The following RARB variants were observed in gnomAD, a reference collection of about 807,000 sequenced individuals.
The protein encoded by RARB is HBV-activated protein.
Under a neutral mutation model 51.9 loss-of-function variants are expected in RARB, and 17 were observed. That is an observed-to-expected ratio of 0.33 (90% confidence interval 0.22 to 0.49). The LOEUF is 0.49. Among genes scored for constraint, RARB ranks in the 20% least tolerant of loss-of-function variants. RARB has a pLI of 0.99. For missense variants in RARB, 369 were observed against 550.8 expected (o/e 0.67, Z 3.30); for synonymous variants, 215 against 195.4 (o/e 1.10, Z -0.84).
At chr3:25,465,118 C>T (rs1329483464) in intron 2 of RARB, among the ~76,000 whole-genome samples, 1 of 152,076 alleles carries the variant, frequency 6.6e-6, no homozygotes, top group Non-Finnish European at 1.5e-5. Context: ...ATTTTTAAGG[C>T]TTTCGAATCA....
intron 3 of RARB, among the ~76,000 whole-genome samples, chr3:25,546,633 AAAAG>A (rs558212532): frequency 1.3e-5 from 2 of 152,298 alleles, no homozygotes; most frequent in East Asian, 1.9e-4. Context: ...AATGGAAAAA[AAAAG>A]AGTACCCTTT....
Position 25,079,113 on chromosome 3 carries a change from T to C in RARB, c.-328+18937T>C, listed in dbSNP as rs567954345. Among the ~76,000 whole-genome samples, 36 of 152,260 alleles carry C rather than the reference T, an allele frequency of 2.4e-4. No homozygotes were observed. In the South Asian group the frequency reaches 7.2e-3, roughly 31 times the overall value. Reference sequence around the variant, plus strand: ...AGTGTTGACGCTTACACATATTCTATTAAGTTTATCTCTAAATGTTTCATT... The same window carrying C: ...AGTGTTGACGCTTACACATATTCTACTAAGTTTATCTCTAAATGTTTCATT... On this transcript the variant is annotated intron_variant, in intron 3 of 11. Transcript: ENST00000383772.
intron 3 of RARB, among the ~76,000 whole-genome samples, chr3:25,568,352 C>T (rs536177811): frequency 6.6e-6 from 1 of 152,134 alleles, no homozygotes; most frequent in African/African-American, 2.4e-5. Flanking sequence ...TTTAAACTTG[C>T]CTACCTGATA....
At chr3:25,115,618 C>T (rs1157833949) in intron 3 of RARB, among the ~76,000 whole-genome samples, 1 of 149,344 alleles carries the variant, frequency 6.7e-6, no homozygotes, top group African/African-American at 2.5e-5. Context: ...CTTTCTCTTC[C>T]TTTTTCTTTT....
chr3:25,556,535 A>G (rs150153335), intron 3 of RARB, among the ~76,000 whole-genome samples: 2 of 152,302 alleles, frequency 1.3e-5, no homozygotes, highest in East Asian at 3.9e-4. Context: ...TTTAAGAATT[A>G]TTGTATGAGC....
chr3:24,981,143 T>C (rs1369884607), intron 2 of RARB, among the ~76,000 whole-genome samples: 1 of 152,206 alleles, frequency 6.6e-6, no homozygotes, highest in African/African-American at 2.4e-5. Flanking sequence ...TATGGAAGCT[T>C]CGTCCCAGAG....
At chr3:25,591,844 G>A (rs1379706960) in intron 5 of RARB, among the ~76,000 whole-genome samples, 1 of 152,132 alleles carries the variant, frequency 6.6e-6, no homozygotes, top group African/African-American at 2.4e-5. Flanking sequence ...CCTTATCCAC[G>A]CTGGAGTCCT....
chr3:25,464,141 TAA>T (rs1187439181), intron 2 of RARB, among the ~76,000 whole-genome samples: 1 of 152,218 alleles, frequency 6.6e-6, no homozygotes, highest in Non-Finnish European at 1.5e-5. Context: ...TGAAAAATGT[TAA>T]GTCATCTCAT....
At chr3:25,209,443 T>G (rs1701639614) in intron 5 of RARB, among the ~76,000 whole-genome samples, 1 of 152,222 alleles carries the variant, frequency 6.6e-6, no homozygotes, top group Non-Finnish European at 1.5e-5. Context: ...TAGGCTAGGA[T>G]GAGTTCATAC....
chr3:25,580,299 G>A (rs781116447), intron 4 of RARB, among the ~76,000 whole-genome samples: 4 of 152,204 alleles, frequency 2.6e-5, no homozygotes, highest in East Asian at 1.9e-4. Context: ...GTTTGAACCC[G>A]GGAGGTGGAG....
At chr3:25,156,295 C>A (rs1262326361) in intron 4 of RARB, among the ~76,000 whole-genome samples, 1 of 152,088 alleles carries the variant, frequency 6.6e-6, no homozygotes, top group Non-Finnish European at 1.5e-5. Flanking sequence ...AATGCCTCTG[C>A]AACTGAATTC....
In RARB at chr3:25,017,219, C is replaced by G. The variant is rs12107995; in HGVS notation, c.-379-42906C>G. Among the ~76,000 whole-genome samples the G allele has an allele frequency of 9.4e-5, 14 of 148,548 alleles. No homozygotes were observed. The South Asian group carries it at 1.7e-3, about 18-fold the overall frequency. On this transcript the variant is annotated intron_variant, in intron 2 of 11. Transcript: ENST00000383772. Reference sequence around the variant, plus strand: ...TTACAAATTAACTAGCTTTCCCCCCCCCTTTCAGAACCTAAACCCCCAAAT... The same window carrying G: ...TTACAAATTAACTAGCTTTCCCCCCGCCTTTCAGAACCTAAACCCCCAAAT...
intron 2 of RARB, among the ~76,000 whole-genome samples, chr3:24,963,777 T>C: frequency 6.6e-6 from 1 of 151,946 alleles, no homozygotes; most frequent in East Asian, 1.9e-4. Flanking sequence ...CCTAATACAA[T>C]TAGGAACCTA....
At chr3:25,111,621 C>A (rs1226476517) in intron 3 of RARB, among the ~76,000 whole-genome samples, 4 of 148,400 alleles carry the variant, frequency 2.7e-5, no homozygotes, top group African/African-American at 1.0e-4. Flanking sequence ...GTCTGTCACC[C>A]AGGCTAGAAT....
chr3:25,078,984 C>G (rs1051354051), intron 3 of RARB, among the ~76,000 whole-genome samples: 1 of 151,998 alleles, frequency 6.6e-6, no homozygotes, highest in African/African-American at 2.4e-5. Flanking sequence ...TTGAGGAAAA[C>G]TGACAACTTA....
At chr3:25,376,595 T>C (rs1251005513) in intron 5 of RARB, among the ~76,000 whole-genome samples, 1 of 152,212 alleles carries the variant, frequency 6.6e-6, no homozygotes, top group Non-Finnish European at 1.5e-5. Flanking sequence ...AAAGTGCACC[T>C]ACCTACACAA....
intron 5 of RARB, among the ~76,000 whole-genome samples, chr3:25,354,187 G>A (rs924760089): frequency 1.1e-4 from 17 of 152,170 alleles, no homozygotes; most frequent in Middle Eastern, 3.4e-3. Context: ...CTGCCTGGCG[G>A]TAAACTTCAA....
intron 2 of RARB, among the ~76,000 whole-genome samples, chr3:24,924,665 G>A (rs1695281001): frequency 6.6e-6 from 1 of 152,094 alleles, no homozygotes; most frequent in African/African-American, 2.4e-5. Flanking sequence ...ATGTCAATGA[G>A]GTTATGCTAT....
intron 3 of RARB, among the ~76,000 whole-genome samples, chr3:25,527,350 C>T (rs569259029): frequency 5.3e-5 from 8 of 152,196 alleles, no homozygotes; most frequent in Admixed American, 2.0e-4. Flanking sequence ...GTCTGTGACT[C>T]GATTTCCTCC....
Sources: gnomAD v4.1 joint callset for allele counts (sites outside exome capture counted in the v4.1 genomes callset) on GRCh38, gnomAD v4.1.1 for gene constraint, MANE v1.5 for transcripts, NCBI Gene and HGNC (gene_info 2026-07-23, HGNC 2026-07-21) for gene names.